The following NR2C2AP variants were observed in gnomAD, a reference collection of about 807,000 sequenced individuals.
NR2C2AP encodes the protein nuclear receptor 2C2-associated protein.
In NR2C2AP, 13 loss-of-function variants were observed where a neutral mutation model predicts 19.1. That is an observed-to-expected ratio of 0.68 (90% confidence interval 0.44 to 1.08). The LOEUF is 1.08. NR2C2AP is among the 50% of genes least tolerant of loss of function. NR2C2AP has a pLI of 0.00. For missense variants in NR2C2AP, 181 were observed against 172.7 expected (o/e 1.05, Z -0.27); for synonymous variants, 81 against 64.4 (o/e 1.26, Z -1.23).
In NR2C2AP at chr19:19,201,639, C is replaced by T. The variant is rs2060720279; in HGVS notation, c.*286G>A. The T allele has an allele frequency of 4.3e-6, 7 of 1,614,096 alleles. No individual in the cohort carries two copies. In the South Asian group the frequency reaches 5.5e-5, roughly 13 times the overall value. On this transcript the variant is annotated 3_prime_UTR_variant, in exon 5 of 5. Transcript: ENST00000331552. ...AGCTCACAGCCCACCTTTTCCCTGC[C>T]CCATCTCAGTGCAACAGGTGATCGA...
Position 19,202,558 on chromosome 19 carries a change from C to T in NR2C2AP, c.147G>A (p.Val49=). 4 of 1,613,218 alleles carry T rather than the reference C, an allele frequency of 2.5e-6. No individual in the cohort carries two copies. Among genetic ancestry groups the T allele is most frequent in the Non-Finnish European group, 3.4e-6 (4 of 1,179,932 alleles). Residue 49 remains valine (V), a synonymous_variant, in exon 3 of 5, where the codon GTG becomes GTA. Coordinates refer to ENST00000331552, the MANE Select transcript of NR2C2AP (RefSeq NM_176880.6). Reference sequence around the variant, plus strand: ...GGATGAGCTGGGGAAACTCCAGCGTCACCCACTGGGAGGGGCCCTGGAAGC... The same window carrying T: ...GGATGAGCTGGGGAAACTCCAGCGTTACCCACTGGGAGGGGCCCTGGAAGC... The part of the protein sequence containing the change: ...WNSDQGPSQW[V]TLEFPQLIRV...
rs1447434682 is a variant in NR2C2AP, at chr19:19,201,500, G to A, written c.*425C>T. On this transcript the variant is annotated 3_prime_UTR_variant, in exon 5 of 5. Coordinates refer to ENST00000331552, the MANE Select transcript of NR2C2AP (RefSeq NM_176880.6). ...TAGGGGAAGTTGAGGTTCCTGGGGTGAGTCCTCGGTTCTCCCAGCTTTGCT... is the reference window on the plus strand; with the variant it reads ...TAGGGGAAGTTGAGGTTCCTGGGGTAAGTCCTCGGTTCTCCCAGCTTTGCT... 1.9e-6 allele frequency: 3 copies of A among 1,596,446 alleles called. No individual in the cohort carries two copies. The highest frequency in any genetic ancestry group is 2.5e-6 in the Non-Finnish European group (3 of 1,178,226).
Position 19,201,899 on chromosome 19 carries a change from C to A in NR2C2AP, c.*26G>T, listed in dbSNP as rs2060725988. On this transcript the variant is annotated 3_prime_UTR_variant, in exon 5 of 5. Transcript: ENST00000331552. ...CTTTGCTGTGCTTCCCGGAGGGCTT[C>A]CTGGAGGAGACAGCCCCTAGAGGTC... The A allele has an allele frequency of 6.2e-7, 1 of 1,613,948 alleles. No individual in the cohort carries two copies. The highest frequency in any genetic ancestry group is 2.2e-5 in the East Asian group (1 of 44,890).
chr19:19,202,646 C>T (rs2060738070), intron 2 of NR2C2AP, 71 bp from the exon 3 acceptor site: 13 of 1,449,622 alleles, frequency 9.0e-6, no homozygotes, highest in East Asian at 2.3e-5. Flanking sequence ...CTGTCTCATT[C>T]ACATAGTTCT....
At chr19:19,202,648 C>T (rs779042834) in intron 2 of NR2C2AP, 73 bp from the exon 3 acceptor site, 43 of 1,442,662 alleles carry the variant, frequency 3.0e-5, no homozygotes, top group Non-Finnish European at 4.1e-5. Flanking sequence ...GTCTCATTCA[C>T]ATAGTTCTTG....
chr19:19,202,198 C>T, intron 4 of NR2C2AP, 133 bp downstream of exon 4: 2 of 1,163,566 alleles, frequency 1.7e-6, no homozygotes, highest in Non-Finnish European at 2.6e-6. Context: ...GTCATCAGCA[C>T]CATTTTACAG....
rs761606965 is a variant in NR2C2AP, at chr19:19,203,405, C to T, written c.-345G>A. 2 of 406,672 alleles carry T rather than the reference C, an allele frequency of 4.9e-6. No homozygotes were observed. Among genetic ancestry groups the T allele is most frequent in the Admixed American group, 7.2e-5 (2 of 27,710 alleles). 25.2% of individuals were successfully genotyped at this position (406,672 alleles called of 1,614,324 possible). A position where few individuals can be genotyped will look rare whatever the true frequency, so the allele number is the denominator to read the frequency against. The stretch of plus-strand genomic sequence containing the variant: ...AGCTCTTGGAGCCAAATCTTGGGAC[C>T]CGGAACCGCGTGGGCTTGGCGCATG... On this transcript the variant is annotated 5_prime_UTR_variant, in exon 1 of 5. Transcript: ENST00000331552.
Position 19,202,325 on chromosome 19 carries a change from G to T in NR2C2AP, c.303+6C>A. ...ACCACCCACCCCAGAAGCAGGGGCA[G>T]GATATCTGAAGCGAGTTGTTGTCCT... On this transcript the variant is annotated splice_donor_region_variant and intron_variant, in intron 4 of 4. Transcript: ENST00000331552. 6.2e-7 allele frequency: 1 copy of T among 1,614,020 alleles called. No homozygotes were observed. The highest frequency in any genetic ancestry group is 8.5e-7 in the Non-Finnish European group (1 of 1,179,840).
chr19:19,203,278 G>A lies in NR2C2AP; in HGVS notation c.-218C>T, dbSNP rs2146526511. On this transcript the variant is annotated 5_prime_UTR_variant, in exon 1 of 5. Coordinates refer to ENST00000331552, the MANE Select transcript of NR2C2AP (RefSeq NM_176880.6). ...CCGGAAAATTTGGGAGAGAGGATCA[G>A]GGAAACCGCCAATGCCCGGAGGCCA... 5 of 607,168 alleles carry A rather than the reference G, an allele frequency of 8.2e-6. No homozygotes were observed. The East Asian group carries it at 1.4e-4, about 17-fold the overall frequency. The allele number at this position is 607,168 out of a possible 1,614,324, so 37.6% of individuals were successfully genotyped here. A position where few individuals can be genotyped will look rare whatever the true frequency, so the allele number is the denominator to read the frequency against.
At position 19,201,765 on chromosome 19, in the gene NR2C2AP, G is replaced by C. The variant is rs1320856764; in HGVS notation, c.*160C>G. On this transcript the variant is annotated 3_prime_UTR_variant, in exon 5 of 5. Transcript: ENST00000331552. ...AGACACTCAGGGAACAAAATGGTCAGCCAGAGCTGGGGAAACCCAGAACTG... is the reference window on the plus strand; with the variant it reads ...AGACACTCAGGGAACAAAATGGTCACCCAGAGCTGGGGAAACCCAGAACTG... 6.2e-7 allele frequency: 1 copy of C among 1,613,416 alleles called. No homozygotes were observed. Among genetic ancestry groups the C allele is most frequent in the African/African-American group, 1.3e-5 (1 of 74,932 alleles).
Position 19,202,040 on chromosome 19 carries a change from G to A in NR2C2AP, c.305C>T (p.Thr102Ile). ...CACTTCAGCAGCTGGTATGGGGAAA[G>A]TGTGAGCGTGGGCAGTCAAGGGAAA... ...FYPEDNNSLQTFPIPAAEVDR... is the reference protein window; with the variant it reads ...FYPEDNNSLQIFPIPAAEVDR... Residue 102 changes from threonine to isoleucine, a missense_variant and splice_region_variant, in exon 5 of 5, where the codon ACT (threonine) becomes ATT (isoleucine). Thr to Ile is a moderately conservative substitution (Grantham distance 89). Coordinates refer to ENST00000331552, the MANE Select transcript of NR2C2AP (RefSeq NM_176880.6). The A allele has an allele frequency of 6.2e-7, 1 of 1,614,142 alleles. No homozygotes were observed. The highest frequency in any genetic ancestry group is 8.5e-7 in the Non-Finnish European group (1 of 1,180,006).
At chr19:19,202,994 C>G in intron 1 of NR2C2AP, 29 bp downstream of exon 1, 1 of 1,613,996 alleles carries the variant, frequency 6.2e-7, no homozygotes, top group Non-Finnish European at 8.5e-7. Context: ...CTTAGGGCCT[C>G]GCCACTGCCT....
At chr19:19,202,622 G>A in intron 2 of NR2C2AP, 47 bp from the exon 3 acceptor site, 1 of 1,515,316 alleles carries the variant, frequency 6.6e-7, no homozygotes, top group Non-Finnish European at 9.1e-7. Context: ...TGCAGGCACA[G>A]AGCCCTGCTA....
At chr19:19,202,272 G>T in intron 4 of NR2C2AP, 59 bp downstream of exon 4, 1 of 1,540,482 alleles carries the variant, frequency 6.5e-7, no homozygotes, top group African/African-American at 1.4e-5. Context: ...TTCGGGTTTG[G>T]GTGAGTCCAA....
Position 19,202,402 on chromosome 19 carries a change from C to G in NR2C2AP, c.236-4G>C, listed in dbSNP as rs1413227493. On this transcript the variant is annotated splice_region_variant and splice_polypyrimidine_tract_variant and intron_variant, in intron 3 of 4. Transcript: ENST00000331552. ...AGAGCCTGAGTGCCCTGTGAACCTT[C>G]AGCAGAGAAAGGCAATGAGTGTCTG... 6.2e-7 allele frequency: 1 copy of G among 1,614,104 alleles called. No individual in the cohort carries two copies. Among genetic ancestry groups the G allele is most frequent in the East Asian group, 2.2e-5 (1 of 44,890 alleles).
rs1399283526 is a variant in NR2C2AP, at chr19:19,201,449, G to C, written c.*476C>G. The C allele has an allele frequency of 5.9e-6, 9 of 1,528,666 alleles. No homozygotes were observed. Among genetic ancestry groups the C allele is most frequent in the Non-Finnish European group, 7.9e-6 (9 of 1,137,632 alleles). 94.7% of individuals were successfully genotyped at this position (1,528,666 alleles called of 1,614,324 possible). ...AATATTTTTATATTAATTCTGAAAA[G>C]CTACAAAAGTGCATTTTTACAAACT... On this transcript the variant is annotated 3_prime_UTR_variant, in exon 5 of 5. Coordinates refer to ENST00000331552, the MANE Select transcript of NR2C2AP (RefSeq NM_176880.6).
intron 4 of NR2C2AP, 73 bp from the exon 5 acceptor site, chr19:19,202,114 C>G: frequency 2.6e-6 from 4 of 1,527,930 alleles, no homozygotes; most frequent in Non-Finnish European, 3.6e-6. Flanking sequence ...CTTCCAGACC[C>G]AGCTCACACT....
chr19:19,203,141 C>A lies in NR2C2AP; in HGVS notation c.-81G>T. The A allele has an allele frequency of 1.3e-6, 2 of 1,485,980 alleles. No homozygotes were observed. Among genetic ancestry groups the A allele is most frequent in the Admixed American group, 1.8e-5 (1 of 56,312 alleles). 92.0% of individuals were successfully genotyped at this position (1,485,980 alleles called of 1,614,324 possible). ...CCCGGCGCCTCCTCAAGCTACAGGGCGGCGCGATCTTGGCTACGCCTTGGC... is the reference window on the plus strand; with the variant it reads ...CCCGGCGCCTCCTCAAGCTACAGGGAGGCGCGATCTTGGCTACGCCTTGGC... On this transcript the variant is annotated 5_prime_UTR_variant, in exon 1 of 5. Transcript: ENST00000331552.
At position 19,202,466 on chromosome 19, in the gene NR2C2AP, G is replaced by A. The variant is rs2146524964; in HGVS notation, c.235+4C>T. 1.2e-6 allele frequency: 2 copies of A among 1,613,970 alleles called. No individual in the cohort carries two copies. The highest frequency in any genetic ancestry group is 1.7e-6 in the Non-Finnish European group (2 of 1,179,854). ...AACCCCTGCCACCCAGGGCCTTCTA[G>A]TACCTTCCAGGCAGCCCCGGCGACT... On this transcript the variant is annotated splice_donor_region_variant and intron_variant, in intron 3 of 4. Transcript: ENST00000331552.
Sources: gnomAD v4.1 joint callset for allele counts on GRCh38, gnomAD v4.1.1 for gene constraint, MANE v1.5 for transcripts, NCBI Gene and HGNC (gene_info 2026-07-23, HGNC 2026-07-21) for gene names.